Variants in TBC1D5 observed in about 807,000 individuals in gnomAD.
The protein encoded by TBC1D5 is TBC1 domain family, member 5.
In TBC1D5, 75 loss-of-function variants were observed where a neutral mutation model predicts 100.3. The ratio of observed to expected loss-of-function variants is 0.75; its 90% confidence interval spans 0.62 to 0.91. The LOEUF (loss-of-function observed/expected upper bound fraction) is 0.91. TBC1D5 is among the 40% of genes least tolerant of loss of function. TBC1D5 has a pLI of 0.00. For missense variants in TBC1D5, 910 were observed against 942.4 expected, an observed-to-expected ratio of 0.97 and a Z score of 0.45; for synonymous variants, 323 against 325.6, an observed-to-expected ratio of 0.99 and a Z score of 0.09.
intron 2 of TBC1D5, among the ~76,000 whole-genome samples, chr3:17,535,343 G>A (rs2096271622): frequency 6.6e-6 from 1 of 152,154 alleles, no homozygotes. Context: ...GCAGGAATCA[G>A]GCCCACATAA....
chr3:17,229,352 C>G (rs2075215014), intron 17 of TBC1D5, among the ~76,000 whole-genome samples: 1 of 152,064 alleles, frequency 6.6e-6, no homozygotes, highest in African/African-American at 2.4e-5. Flanking sequence ...CTTGCTGTCA[C>G]AAGAGTGAAC....
intron 3 of TBC1D5, among the ~76,000 whole-genome samples, chr3:17,458,358 T>A (rs538462882): frequency 3.3e-5 from 5 of 152,184 alleles, no homozygotes; most frequent in African/African-American, 4.8e-5. Flanking sequence ...TGTTCCAGAG[T>A]CCACGTGGAG....
At chr3:17,480,342 C>T (rs1021519610) in intron 3 of TBC1D5, among the ~76,000 whole-genome samples, 14 of 152,324 alleles carry the variant, frequency 9.2e-5, no homozygotes, top group Admixed American at 5.9e-4. Context: ...AGTGAAGCCC[C>T]GCCTTAAAGC....
chr3:17,309,248 G>A (rs78220585), intron 13 of TBC1D5, among the ~76,000 whole-genome samples: 1 of 152,032 alleles, frequency 6.6e-6, no homozygotes, highest in East Asian at 1.9e-4. Context: ...AATCAAAGAT[G>A]TGACAAAATA....
chr3:17,400,076 T>C (rs1022670415), intron 8 of TBC1D5, among the ~76,000 whole-genome samples: 2 of 152,114 alleles, frequency 1.3e-5, no homozygotes, highest in Non-Finnish European at 2.9e-5. Flanking sequence ...ACATGCTTAC[T>C]GTCTCACCAC....
chr3:17,678,666 TAAAAAAA>T (rs150614567), intron 1 of TBC1D5, among the ~76,000 whole-genome samples: 6 of 109,084 alleles, frequency 5.5e-5, no homozygotes, highest in Non-Finnish European at 7.2e-5. Flanking sequence ...AAAAGAGGGA[TAAAAAAA>T]AAAAAAAAAA....
chr3:17,540,870 GCA>G (rs1426440676), intron 2 of TBC1D5, among the ~76,000 whole-genome samples: 1 of 123,410 alleles, frequency 8.1e-6, no homozygotes, highest in African/African-American at 3.3e-5. Flanking sequence ...TCATGCCACT[GCA>G]CACCAGCCTG....
chr3:17,227,727 A>T (rs1201554748), intron 17 of TBC1D5, among the ~76,000 whole-genome samples: 1 of 151,184 alleles, frequency 6.6e-6, no homozygotes, highest in African/African-American at 2.4e-5. Context: ...GGGAGAGAAT[A>T]AAAAAAAACT....
At chr3:17,340,607 G>A (rs1288679935) in intron 13 of TBC1D5, 1 of 152,178 alleles carries the variant, frequency 6.6e-6, no homozygotes, top group Non-Finnish European at 1.5e-5. Context: ...GGTTGTCACT[G>A]TAACTTAACA....
At chr3:17,420,660 A>C (rs2094186536) in intron 4 of TBC1D5, among the ~76,000 whole-genome samples, 1 of 152,156 alleles carries the variant, frequency 6.6e-6, no homozygotes, top group South Asian at 2.1e-4. Flanking sequence ...AGTATTACTG[A>C]GCAAATATTT....
intron 16 of TBC1D5, among the ~76,000 whole-genome samples, chr3:17,240,129 C>A (rs927384943): frequency 2.6e-5 from 4 of 152,110 alleles, no homozygotes; most frequent in African/African-American, 9.7e-5. Context: ...CAGAACAGAT[C>A]CATAGTTCTA....
chr3:17,238,101 G>T (rs1234117698), intron 17 of TBC1D5, 62 bp downstream of exon 17: 10 of 1,544,830 alleles, frequency 6.5e-6, no homozygotes, highest in East Asian at 2.3e-5. Flanking sequence ...TCACAGGCAG[G>T]TGAAGAAATC....
chr3:17,248,910 G>A (rs2076965910), intron 16 of TBC1D5, among the ~76,000 whole-genome samples: 1 of 152,140 alleles, frequency 6.6e-6, no homozygotes, highest in African/African-American at 2.4e-5. Flanking sequence ...ATAACTCGCT[G>A]CAGCTTCTAT....
chr3:17,222,083 C>T (rs901133822), intron 17 of TBC1D5, among the ~76,000 whole-genome samples: 1 of 152,164 alleles, frequency 6.6e-6, no homozygotes, highest in African/African-American at 2.4e-5. Context: ...TTTGGTTTCA[C>T]TCATGTAATC....
At chr3:17,403,780 A>T (rs1295796491) in intron 7 of TBC1D5, among the ~76,000 whole-genome samples, 2 of 152,130 alleles carry the variant, frequency 1.3e-5, no homozygotes, top group Non-Finnish European at 2.9e-5. Flanking sequence ...CCCTGTGAAT[A>T]ATGAGAAACT....
intron 2 of TBC1D5, among the ~76,000 whole-genome samples, chr3:17,545,436 C>T (rs1455562617): frequency 2.0e-5 from 3 of 152,194 alleles, no homozygotes; most frequent in Admixed American, 1.3e-4. Flanking sequence ...GTTTAAGCCA[C>T]TAAGTTTGTG....
chr3:17,418,650 C>A (rs1474302716), intron 4 of TBC1D5, among the ~76,000 whole-genome samples: 1 of 151,528 alleles, frequency 6.6e-6, no homozygotes, highest in Non-Finnish European at 1.5e-5. Context: ...TTAGTACTAT[C>A]AAATAGCAAG....
intron 15 of TBC1D5, among the ~76,000 whole-genome samples, chr3:17,284,313 T>G (rs2080940472): frequency 6.6e-6 from 1 of 152,120 alleles, no homozygotes; most frequent in Non-Finnish European, 1.5e-5. Flanking sequence ...AGATGGGGTT[T>G]TGCCACGTTG....
intron 13 of TBC1D5, among the ~76,000 whole-genome samples, chr3:17,347,043 C>G (rs1011046342): frequency 6.6e-6 from 1 of 152,102 alleles, no homozygotes; most frequent in African/African-American, 2.4e-5. Flanking sequence ...TAAAATTTAC[C>G]TTTATTTAAA....
Sources: allele counts gnomAD v4.1 joint callset (sites outside exome capture counted in the v4.1 genomes callset), GRCh38; gene constraint gnomAD v4.1.1; transcripts MANE v1.5; gene names NCBI Gene and HGNC (gene_info 2026-07-23, HGNC 2026-07-21).